Variants in NAV3 observed in about 807,000 individuals in gnomAD.
The protein encoded by NAV3 is neuron navigator 3, also known as pore membrane and/or filament interacting like protein 1.
In NAV3, 87 loss-of-function variants were observed where a neutral mutation model predicts 244.7. The ratio of observed to expected loss-of-function variants is 0.36; its 90% CI spans 0.30 to 0.42. The LOEUF (loss-of-function observed/expected upper bound fraction) is 0.42, where lower values mean the gene tolerates loss of function less well. Ranked by LOEUF, NAV3 falls within the 20% of genes least tolerant of loss-of-function variation. NAV3 has a pLI of 1.00. For missense variants in NAV3, 2,663 were observed against 2,893.3 expected, an observed-to-expected ratio of 0.92 and a Z score of 1.83; for synonymous variants, 1,126 against 1,042.2, an observed-to-expected ratio of 1.08 and a Z score of -1.55.
At chr12:77,592,237 A>G (rs1869939851) in intron 2 of NAV3, among the ~76,000 whole-genome samples, 1 of 152,174 alleles carries the variant, frequency 6.6e-6, no homozygotes, top group Non-Finnish European at 1.5e-5. Flanking sequence ...CACTGTCTGC[A>G]CTCTGGCTAA....
intron 2 of NAV3, among the ~76,000 whole-genome samples, chr12:77,662,336 T>C (rs1236178799): frequency 1.3e-5 from 2 of 152,020 alleles, no homozygotes; most frequent in Non-Finnish European, 2.9e-5. Context: ...CGTCTTACAC[T>C]TCTGTTAAAT....
At position 77,840,436 on chromosome 12, in the gene NAV3, G is replaced by A. The variant is rs149011048; in HGVS notation, c.243+8732G>A. ...TGGGGGACATTTCCAAAATACAGAT[G>A]AGGAGAATATGATGGAGCAAGGTTT... On this transcript the variant is annotated intron_variant, in intron 1 of 39. Coordinates refer to ENST00000397909, the MANE Select transcript of NAV3 (RefSeq NM_001024383.2). Among the ~76,000 whole-genome samples the A allele has an allele frequency of 1.2e-4, 19 of 152,278 alleles. No individual in the cohort carries two copies. In the East Asian group the frequency reaches 3.7e-3, roughly 29 times the overall value.
At chr12:77,943,402 A>C (rs1890056693) in intron 3 of NAV3, among the ~76,000 whole-genome samples, 1 of 152,224 alleles carries the variant, frequency 6.6e-6, no homozygotes, top group African/African-American at 2.4e-5. Flanking sequence ...AATGACTTAG[A>C]TCCTCATTTC....
chr12:77,986,751 A>G (rs188202893), intron 5 of NAV3, among the ~76,000 whole-genome samples: 106 of 152,326 alleles, frequency 7.0e-4, no homozygotes, highest in African/African-American at 2.0e-3. Context: ...TTAGCTGTGT[A>G]TTGATGAAGG....
chr12:77,753,087 T>G (rs905969842), intron 2 of NAV3, among the ~76,000 whole-genome samples: 8 of 152,202 alleles, frequency 5.3e-5, no homozygotes, highest in Admixed American at 3.9e-4. Flanking sequence ...TTTTGTAAGC[T>G]CAGTTCATCC....
chr12:77,820,280 C>T (rs893155965), intron 2 of NAV3, among the ~76,000 whole-genome samples: 1 of 152,066 alleles, frequency 6.6e-6, no homozygotes, highest in Non-Finnish European at 1.5e-5. Flanking sequence ...AACAGAGTAC[C>T]ACAGACTGGT....
intron 2 of NAV3, among the ~76,000 whole-genome samples, chr12:77,784,864 G>A (rs1592680785): frequency 1.3e-5 from 2 of 152,156 alleles, no homozygotes; most frequent in Non-Finnish European, 1.5e-5. Flanking sequence ...AGAGTCAGTA[G>A]TAGAACTCAG....
intron 39 of NAV3, among the ~76,000 whole-genome samples, chr12:78,209,402 G>A (rs923426669): frequency 2.0e-5 from 3 of 151,940 alleles, no homozygotes; most frequent in African/African-American, 7.2e-5. Context: ...TATGCATTAG[G>A]TAATATAAAA....
intron 2 of NAV3, among the ~76,000 whole-genome samples, chr12:77,592,117 C>G (rs1301842147): frequency 2.6e-5 from 4 of 152,136 alleles, no homozygotes; most frequent in Admixed American, 2.0e-4. Flanking sequence ...CATTCGGCTT[C>G]CCTCCCAGGT....
chr12:77,743,015 T>C (rs1868368264), intron 2 of NAV3, among the ~76,000 whole-genome samples: 1 of 152,150 alleles, frequency 6.6e-6, no homozygotes, highest in East Asian at 1.9e-4. Context: ...AGAAAAGTTA[T>C]ACAAGAAAAA....
At chr12:77,799,710 G>C (rs1871603513) in intron 2 of NAV3, among the ~76,000 whole-genome samples, 1 of 152,054 alleles carries the variant, frequency 6.6e-6, no homozygotes, top group African/African-American at 2.4e-5. Context: ...CCTGGGTTGT[G>C]TACAAGCAGA....
At chr12:78,148,733 C>T in intron 21 of NAV3, 109 bp from the exon 22 acceptor site, 1 of 852,900 alleles carries the variant, frequency 1.2e-6, no homozygotes, top group Non-Finnish European at 1.9e-6. Context: ...GCTGCTGATA[C>T]AATGGGGTTA....
At chr12:77,976,674 C>CTTTTTTTTTTTTTTT (rs869041498) in intron 5 of NAV3, among the ~76,000 whole-genome samples, 10 of 83,432 alleles carry the variant, frequency 1.2e-4, no homozygotes, top group Admixed American at 1.8e-4. Flanking sequence ...TTCTTTTTTT[C>CTTTTTTTTTTTTTTT]TTTTTTTTTT....
chr12:77,951,283 A>G (rs1356204109), intron 3 of NAV3, among the ~76,000 whole-genome samples: 1 of 152,230 alleles, frequency 6.6e-6, no homozygotes, highest in East Asian at 1.9e-4. Context: ...ACTTCTCAAA[A>G]GAAGATATTT....
At chr12:77,602,629 G>A (rs1870489631) in intron 2 of NAV3, among the ~76,000 whole-genome samples, 1 of 151,742 alleles carries the variant, frequency 6.6e-6, no homozygotes, top group South Asian at 2.1e-4. Flanking sequence ...GAGCAGAGGG[G>A]GAGATGGGCA....
chr12:77,797,176 A>C (rs1871448851), intron 2 of NAV3, among the ~76,000 whole-genome samples: 1 of 152,112 alleles, frequency 6.6e-6, no homozygotes, highest in African/African-American at 2.4e-5. Context: ...TTTTTTATTC[A>C]TTTGCTCCTC....
chr12:77,970,178 C>T (rs1261771297), intron 5 of NAV3, among the ~76,000 whole-genome samples: 1 of 152,052 alleles, frequency 6.6e-6, no homozygotes, highest in Non-Finnish European at 1.5e-5. Flanking sequence ...ATGAAAATCC[C>T]TTTCATCGTC....
chr12:77,943,156 T>G (rs1191095900), intron 3 of NAV3, among the ~76,000 whole-genome samples: 1 of 152,200 alleles, frequency 6.6e-6, no homozygotes, highest in Non-Finnish European at 1.5e-5. Context: ...TCCTAGAGAT[T>G]CTACAAATCT....
chr12:77,978,341 A>T (rs978756336), intron 5 of NAV3, among the ~76,000 whole-genome samples: 34 of 152,250 alleles, frequency 2.2e-4, no homozygotes, highest in Non-Finnish European at 3.4e-4. Context: ...ATTTATTTAA[A>T]ATTTTATAAC....
Sources: allele counts gnomAD v4.1 joint callset (sites outside exome capture counted in the v4.1 genomes callset), GRCh38; gene constraint gnomAD v4.1.1; transcripts MANE v1.5; gene names NCBI Gene and HGNC (gene_info 2026-07-23, HGNC 2026-07-21).